GPM6A: variants seen among roughly 807,000 people sequenced by gnomAD.
GPM6A encodes the protein glycoprotein M6A.
In GPM6A, 7 loss-of-function variants were observed where a neutral mutation model predicts 32.1. The ratio of observed to expected loss-of-function variants is 0.22; its 90% CI spans 0.12 to 0.41. GPM6A has a LOEUF of 0.41. Ranked by LOEUF, GPM6A falls within the 10% of genes least tolerant of loss-of-function variation. The pLI is 1.00. For synonymous variants in GPM6A, 130 were observed against 123.4 expected (o/e 1.05, Z -0.35); for missense variants, 235 against 347.2 (o/e 0.68, Z 2.57).
chr4:175,786,789 T>C (rs1268273614), intron 1 of GPM6A: 1 of 153,560 alleles, frequency 6.5e-6, no homozygotes, highest in African/African-American at 2.4e-5. Flanking sequence ...TAATCCATTC[T>C]GCACAAAACC....
At chr4:175,846,330 A>C (rs1736086349) in intron 1 of GPM6A, among the ~76,000 whole-genome samples, 1 of 152,176 alleles carries the variant, frequency 6.6e-6, no homozygotes, top group African/African-American at 2.4e-5. Flanking sequence ...GAGGCTCAAC[A>C]TGAAATCCTA....
At chr4:175,654,397 C>T (rs1741964111) in intron 3 of GPM6A, 1 of 151,982 alleles carries the variant, frequency 6.6e-6, no homozygotes, top group East Asian at 1.9e-4. Flanking sequence ...TTAAGTGAGC[C>T]TGAGATGAGA....
At chr4:175,814,243 G>A (rs570531860), upstream of GPM6A, among the ~76,000 whole-genome samples, 31 of 152,206 alleles carry the variant, frequency 2.0e-4, no homozygotes, top group African/African-American at 6.7e-4. Flanking sequence ...ACATTAACCC[G>A]TTGTAAGTCA....
chr4:175,928,335 A>T (rs1738915108), intron 1 of GPM6A, among the ~76,000 whole-genome samples: 2 of 152,202 alleles, frequency 1.3e-5, no homozygotes, highest in African/African-American at 4.8e-5. Context: ...AGTCTGGAAA[A>T]TTTCCTATGT....
chr4:175,889,072 T>C (rs1289698118), intron 1 of GPM6A, among the ~76,000 whole-genome samples: 1 of 152,100 alleles, frequency 6.6e-6, no homozygotes, highest in Non-Finnish European at 1.5e-5. Context: ...ACTGACAAAC[T>C]ATATGGTTAA....
intron 1 of GPM6A, among the ~76,000 whole-genome samples, chr4:175,877,881 C>T (rs145432732): frequency 0.15 from 22,112 of 152,164 alleles, 2,079 homozygotes; most frequent in Non-Finnish European, 0.22. Flanking sequence ...TCCCTTCCAC[C>T]TATGAGCCTG....
At position 175,953,939 on chromosome 4, in the gene GPM6A, T is replaced by C. The variant is rs763276721; in HGVS notation, c.-23+48370A>G. On this transcript the variant is annotated intron_variant, in intron 1 of 7. Coordinates refer to the GPM6A transcript ENST00000280187. ...AATAAAATAACTACCATGGGAACTA[T>C]TAAAATTGAGTTAGAAATGTTAACC... is the stretch of plus-strand genomic sequence containing the variant. Among the ~76,000 whole-genome samples the C allele has an allele frequency of 1.6e-4, 25 of 152,268 alleles. 1 individual carries two copies. The highest frequency in any genetic ancestry group is 3.4e-3 in the Middle Eastern group (1 of 294).
intron 6 of GPM6A, among the ~76,000 whole-genome samples, chr4:175,636,116 C>G (rs1050202178): frequency 2.6e-5 from 4 of 151,464 alleles, no homozygotes; most frequent in Non-Finnish European, 4.4e-5. Context: ...ATGCATACCA[C>G]TATAAATAAC....
intron 3 of GPM6A, among the ~76,000 whole-genome samples, chr4:175,663,694 AT>A (rs34558330): frequency 0.21 from 29,581 of 141,148 alleles, 2,879 homozygotes; most frequent in Non-Finnish European, 0.26. Flanking sequence ...TAAAATGTAA[AT>A]TTTTTTTTTT....
intron 1 of GPM6A, among the ~76,000 whole-genome samples, chr4:175,776,393 C>T (rs1232031156): frequency 6.6e-6 from 1 of 152,080 alleles, no homozygotes; most frequent in Non-Finnish European, 1.5e-5. Flanking sequence ...ACAACCTTGA[C>T]GTGAGGAACG....
At chr4:175,905,668 C>T (rs889636840) in intron 1 of GPM6A, among the ~76,000 whole-genome samples, 14 of 152,152 alleles carry the variant, frequency 9.2e-5, no homozygotes, top group African/African-American at 3.4e-4. Flanking sequence ...TCAAAATAAT[C>T]CTTATGCCAA....
intron 4 of GPM6A, chr4:175,641,619 C>T (rs1741149702): frequency 6.6e-6 from 1 of 152,138 alleles, no homozygotes; most frequent in Admixed American, 6.6e-5. Context: ...ATTTTCAGGA[C>T]ATTCTAATAC....
rs544715246 is a variant in GPM6A, at chr4:175,873,341, A to G, written c.-22-61092T>C. ...CTTGTGAAAAAAAAACACTGTAAAC[A>G]TTTTGTATTAAATATTATTTAAATT... On this transcript the variant is annotated intron_variant, in intron 1 of 7. Coordinates refer to the GPM6A transcript ENST00000280187. Among the ~76,000 whole-genome samples the G allele has an allele frequency of 7.9e-5, 12 of 152,240 alleles. No individual in the cohort carries two copies. In the South Asian group the frequency reaches 2.5e-3, roughly 32 times the overall value.
At chr4:175,842,525 C>T (rs1255729158) in intron 1 of GPM6A, among the ~76,000 whole-genome samples, 1 of 151,982 alleles carries the variant, frequency 6.6e-6, no homozygotes, top group Non-Finnish European at 1.5e-5. Flanking sequence ...GAGTTTGAGA[C>T]CAGCCTGGGC....
At chr4:175,922,664 G>C (rs1263667304) in intron 1 of GPM6A, among the ~76,000 whole-genome samples, 2 of 152,164 alleles carry the variant, frequency 1.3e-5, no homozygotes, top group Admixed American at 6.5e-5. Context: ...TCTCTACATA[G>C]ATGAAACTAG....
intron 1 of GPM6A, among the ~76,000 whole-genome samples, chr4:175,943,113 A>G (rs977609879): frequency 3.9e-5 from 6 of 152,108 alleles, no homozygotes; most frequent in African/African-American, 1.2e-4. Flanking sequence ...TGTAAGCTGT[A>G]TTCCTAGGTA....
At chr4:175,724,685 T>C (rs761775631) in intron 1 of GPM6A, among the ~76,000 whole-genome samples, 1 of 152,196 alleles carries the variant, frequency 6.6e-6, no homozygotes, top group Non-Finnish European at 1.5e-5. Flanking sequence ...ATAATAAATA[T>C]GCATGGCAAT....
intron 1 of GPM6A, among the ~76,000 whole-genome samples, chr4:175,848,244 T>C (rs1289753344): frequency 6.6e-6 from 1 of 152,206 alleles, no homozygotes; most frequent in Non-Finnish European, 1.5e-5. Context: ...GCATATTTTG[T>C]AGCTGTCTTG....
intron 1 of GPM6A, among the ~76,000 whole-genome samples, chr4:175,793,068 T>C (rs985114878): frequency 4.6e-5 from 7 of 152,092 alleles, no homozygotes; most frequent in South Asian, 4.1e-4. Context: ...GGTCCCAGGT[T>C]TTTCATTTAC....
Sources: gnomAD v4.1 joint callset for allele counts (sites outside exome capture counted in the v4.1 genomes callset) on GRCh38, gnomAD v4.1.1 for gene constraint, MANE v1.5 for transcripts, NCBI Gene and HGNC (gene_info 2026-07-23, HGNC 2026-07-21) for gene names.